Variants in AXIN1 observed in about 807,000 individuals in gnomAD.
The protein encoded by AXIN1 is axin-1.
In AXIN1, 30 loss-of-function variants were observed where a neutral mutation model predicts 76.4. The observed-to-expected ratio is 0.39, with a 90% CI of 0.29 to 0.53. The LOEUF is 0.53. Ranked by LOEUF, AXIN1 falls within the 20% of genes least tolerant of loss-of-function variation. The pLI, the probability that AXIN1 is intolerant of heterozygous loss-of-function variation, is 0.66. For synonymous variants in AXIN1, 545 were observed against 501.4 expected, an observed-to-expected ratio of 1.09 and a Z score of -1.16; for missense variants, 1,140 against 1,198.8, an observed-to-expected ratio of 0.95 and a Z score of 0.72.
At chr16:288,631 G>GTGTT (rs1400851996) in intron 10 of AXIN1, among the ~76,000 whole-genome samples, 1 of 152,248 alleles carries the variant, frequency 6.6e-6, no homozygotes, top group Non-Finnish European at 1.5e-5. Context: ...CAGTCATGGG[G>GTGTT]TGTTTGCACA....
chr16:342,345 C>T lies in AXIN1; in HGVS notation c.878+3803G>A, dbSNP rs574076265. Among the ~76,000 whole-genome samples, 5 of 151,770 alleles carry T rather than the reference C, an allele frequency of 3.3e-5. No individual in the cohort carries two copies. In the East Asian group the frequency reaches 9.8e-4, roughly 30 times the overall value. ...CACTCACGGCAAGGGTCCGCGGCTTCATTCTTGAAGTCAGTGAGACCAAGA... is the reference window on the plus strand; with the variant it reads ...CACTCACGGCAAGGGTCCGCGGCTTTATTCTTGAAGTCAGTGAGACCAAGA... On this transcript the variant is annotated intron_variant, in intron 2 of 10. Transcript: ENST00000262320.
At chr16:326,934 A>G (rs1040844406) in intron 2 of AXIN1, among the ~76,000 whole-genome samples, 1 of 151,554 alleles carries the variant, frequency 6.6e-6, no homozygotes, top group Non-Finnish European at 1.5e-5. Context: ...AGGTCAGGAG[A>G]TGGAGACCAT....
Position 325,954 on chromosome 16 carries a change from C to T in AXIN1, c.879-11271G>A, listed in dbSNP as rs189781437. Among the ~76,000 whole-genome samples, 8 of 152,076 alleles carry T rather than the reference C, an allele frequency of 5.3e-5. 1 individual carries two copies. In the East Asian group the frequency reaches 5.8e-4, roughly 11 times the overall value. On this transcript the variant is annotated intron_variant, in intron 2 of 10. Coordinates refer to ENST00000262320, the MANE Select transcript of AXIN1 (RefSeq NM_003502.4). Reference sequence around the variant, plus strand: ...GGGCCCCACTCACTCACGCTGGCCACGAAAAGGCCCGCCCTGGTTCACACC... The same window carrying T: ...GGGCCCCACTCACTCACGCTGGCCATGAAAAGGCCCGCCCTGGTTCACACC...
rs1438241414 is a variant in AXIN1, at chr16:287,909, T to TG, written c.*212dup. 11 of 708,820 alleles carry TG rather than the reference T, an allele frequency of 1.6e-5. No individual in the cohort carries two copies. Among genetic ancestry groups the TG allele is most frequent in the Non-Finnish European group, 2.4e-5 (10 of 418,194 alleles). The allele number at this position is 708,820 out of a possible 1,614,324, so 43.9% of individuals were successfully genotyped here. On this transcript the variant is annotated 3_prime_UTR_variant, in exon 11 of 11. Transcript: ENST00000262320. Reference sequence around the variant, plus strand: ...GCCCTCCAAGTATTGCTATGAGGAGTGGTCCAGGCTGCCTCCTTGGGGGCA... The same window carrying TG: ...GCCCTCCAAGTATTGCTATGAGGAGTGGGTCCAGGCTGCCTCCTTGGGGGCA...
intron 5 of AXIN1, among the ~76,000 whole-genome samples, chr16:298,885 C>T (rs1597001237): frequency 6.6e-6 from 1 of 152,146 alleles, no homozygotes; most frequent in East Asian, 1.9e-4. Context: ...TCTCCTCCTT[C>T]AGCCTCCCAA....
At position 287,963 on chromosome 16, in the gene AXIN1, G is replaced by T. The variant is rs45483200; in HGVS notation, c.*159C>A. On this transcript the variant is annotated 3_prime_UTR_variant, in exon 11 of 11. Transcript: ENST00000262320. ...CAGAAGCTTGTGGACCACTTGGAGG[G>T]ACCCCCTACCTGCCTCTAGACACGG... 1.1e-4 allele frequency: 130 copies of T among 1,235,708 alleles called. No homozygotes were observed. The African/African-American group carries it at 1.7e-3, about 16-fold the overall frequency. 76.5% of individuals were successfully genotyped at this position (1,235,708 alleles called of 1,614,324 possible). A position where few individuals can be genotyped will look rare whatever the true frequency, so the allele number is the denominator to read the frequency against.
intron 6 of AXIN1, 115 bp downstream of exon 6, chr16:297,607 C>A: frequency 7.2e-7 from 1 of 1,389,594 alleles, no homozygotes. Flanking sequence ...GCAGAGGGGC[C>A]TCCTGCCTGT....
At chr16:289,357 G>T (rs1224248959) in intron 10 of AXIN1, 83 bp downstream of exon 10, 2 of 1,563,210 alleles carry the variant, frequency 1.3e-6, no homozygotes, top group African/African-American at 1.3e-5. Context: ...GAGCCACTGT[G>T]CCCGGCTGGA....
intron 2 of AXIN1, among the ~76,000 whole-genome samples, chr16:325,093 T>C (rs1033165861): frequency 1.3e-5 from 2 of 150,122 alleles, no homozygotes; most frequent in East Asian, 2.0e-4. Context: ...CAGGAAACCA[T>C]GGCCTCAGCC....
chr16:335,321 G>A (rs924172540), intron 2 of AXIN1, among the ~76,000 whole-genome samples: 24 of 152,002 alleles, frequency 1.6e-4, no homozygotes, highest in Non-Finnish European at 1.6e-4. Flanking sequence ...GGCACACCTC[G>A]GCCACTAGTC....
intron 2 of AXIN1, among the ~76,000 whole-genome samples, chr16:338,199 G>A (rs1293390109): frequency 2.0e-5 from 3 of 152,228 alleles, no homozygotes; most frequent in Non-Finnish European, 4.4e-5. Context: ...CAGAACCGGA[G>A]CGTGTGCGTC....
At chr16:337,717 G>A (rs185076637) in intron 2 of AXIN1, among the ~76,000 whole-genome samples, 167 of 152,318 alleles carry the variant, frequency 1.1e-3, no homozygotes, top group African/African-American at 3.8e-3. Flanking sequence ...GATCACAAAG[G>A]AAGCCCGTGG....
rs548365580 is a variant in AXIN1 at position 301,010 on chromosome 16, C to T, written c.1255-2759G>A. ...TTATTTAAAAAATCTGGAGTTCACG[C>T]CTGTAATCCCAGCACTTTGGGAGGC... On this transcript the variant is annotated intron_variant, in intron 5 of 10. Coordinates refer to ENST00000262320, the MANE Select transcript of AXIN1 (RefSeq NM_003502.4). Among the ~76,000 whole-genome samples, 8 of 152,322 alleles carry T rather than the reference C, an allele frequency of 5.3e-5. No individual in the cohort carries two copies. In the South Asian group the frequency reaches 1.7e-3, roughly 32 times the overall value.
chr16:342,263 A>ACACC (rs2053941656), intron 2 of AXIN1, among the ~76,000 whole-genome samples: 1 of 152,116 alleles, frequency 6.6e-6, no homozygotes, highest in East Asian at 1.9e-4. Context: ...GAAACTCCGA[A>ACACC]CACCTCCGAA....
Position 346,750 on chromosome 16 carries a change from C to T in AXIN1, c.276G>A (p.Leu92=), listed in dbSNP as rs764927525. The T allele has an allele frequency of 6.2e-7, 1 of 1,601,978 alleles. No individual in the cohort carries two copies. Among genetic ancestry groups the T allele is most frequent in the East Asian group, 2.2e-5 (1 of 44,678 alleles). ...GGCTTATCCCATCTTGGTCATCCAG[C>T]AGGGAATGCAGTGACTCAGCCCACT... The part of the protein sequence containing the change: ...YLKWAESLHS[L]LDDQDGISLF... The change falls in exon 2 of 11, where the codon CTG becomes CTA. Residue 92 remains leucine (L), a synonymous_variant. Coordinates refer to ENST00000262320, the MANE Select transcript of AXIN1 (RefSeq NM_003502.4).
chr16:325,010 GCACAGAAC>G (rs1597076782), intron 2 of AXIN1, among the ~76,000 whole-genome samples: 1 of 152,172 alleles, frequency 6.6e-6, no homozygotes, highest in Non-Finnish European at 1.5e-5. Flanking sequence ...CAGCGGACCC[GCACAGAAC>G]CACAGTCCTA....
intron 2 of AXIN1, among the ~76,000 whole-genome samples, chr16:338,273 C>T (rs1034879675): frequency 6.6e-6 from 1 of 152,248 alleles, no homozygotes; most frequent in South Asian, 2.1e-4. Context: ...CGGCCAGTCA[C>T]GGCTAGGGCA....
chr16:305,599 A>T (rs1027589345), intron 4 of AXIN1, among the ~76,000 whole-genome samples: 9 of 152,016 alleles, frequency 5.9e-5, no homozygotes, highest in African/African-American at 2.2e-4. Flanking sequence ...GCTGGAGTGT[A>T]GTGGCGCGAT....
rs17135988 is a variant in AXIN1 at position 289,385 on chromosome 16, C to T, written c.2462+55G>A. On this transcript the variant is annotated intron_variant, in intron 10 of 10. Coordinates refer to ENST00000262320, the MANE Select transcript of AXIN1 (RefSeq NM_003502.4). Reference sequence around the variant, plus strand: ...CGGCTGGAAACCCTCTTTTTCATACCGTTGGGCACCCACATACTCGTGCGG... The same window carrying T: ...CGGCTGGAAACCCTCTTTTTCATACTGTTGGGCACCCACATACTCGTGCGG... The T allele has an allele frequency of 2.3e-3, 3,692 of 1,605,082 alleles. 80 individuals carry two copies. The African/African-American group carries it at 0.043, about 19-fold the overall frequency.
Sources: allele counts gnomAD v4.1 joint callset (sites outside exome capture counted in the v4.1 genomes callset), GRCh38; gene constraint gnomAD v4.1.1; transcripts MANE v1.5; gene names NCBI Gene and HGNC (gene_info 2026-07-23, HGNC 2026-07-21).